Variants in TYW1 observed in about 807,000 individuals in gnomAD.
TYW1 encodes the protein tRNA-yW synthesizing protein 1 homolog.
Under a neutral mutation model 96.2 loss-of-function variants are expected in TYW1, and 46 were observed. That is an observed-to-expected ratio of 0.48 (90% CI 0.38 to 0.61). The LOEUF is 0.61. Ranked by LOEUF, TYW1 falls within the 20% of genes least tolerant of loss-of-function variation. The probability of loss-of-function intolerance (pLI) is 0.00; values close to 1 mark genes in which losing one functional copy is unlikely to be tolerated. For missense variants in TYW1, 684 were observed against 909.6 expected (o/e 0.75, Z 3.19); for synonymous variants, 274 against 323.0 (o/e 0.85, Z 1.63).
chr7:67,176,634 C>T lies in TYW1; in HGVS notation c.1699-6492C>T, dbSNP rs71563179. On this transcript the variant is annotated intron_variant, in intron 13 of 15. Coordinates refer to ENST00000359626, the MANE Select transcript of TYW1 (RefSeq NM_018264.4). ...GTTGAGCAACACTGGCTTATAGATTCAATGCTATATCAGGCAGAATCATAA... is the reference window on the plus strand; with the variant it reads ...GTTGAGCAACACTGGCTTATAGATTTAATGCTATATCAGGCAGAATCATAA... 7.1e-3 allele frequency among the ~76,000 whole-genome samples: 1,066 copies of T among 151,134 alleles called. 12 individuals are homozygous for T. Among genetic ancestry groups the T allele is most frequent in the Middle Eastern group, 0.048 (14 of 294 alleles).
chr7:67,237,750 C>T lies in TYW1; in HGVS notation c.1978-558C>T, dbSNP rs73703521. ...CTTAAGAGAGTACAAATTGGATTAT[C>T]CCCTCTTACTGAATTGAAATTTTTC... On this transcript the variant is annotated intron_variant, in intron 15 of 15. Transcript: ENST00000359626. 5.3e-3 allele frequency among the ~76,000 whole-genome samples: 801 copies of T among 152,166 alleles called. 6 individuals carry two copies. Among genetic ancestry groups the T allele is most frequent in the African/African-American group, 0.019 (769 of 41,504 alleles).
chr7:67,055,745 A>AC, intron 8 of TYW1, 90 bp from the exon 9 acceptor site: 1 of 1,160,948 alleles, frequency 8.6e-7, no homozygotes, highest in Non-Finnish European at 1.2e-6. Flanking sequence ...TTAGCAAAAA[A>AC]AAAAAAAAAT....
chr7:67,004,757 T>C (rs1177972694), intron 3 of TYW1, among the ~76,000 whole-genome samples: 1 of 152,062 alleles, frequency 6.6e-6, no homozygotes, highest in Non-Finnish European at 1.5e-5. Flanking sequence ...TGGTTGAAAT[T>C]TCTTGTTTTC....
In TYW1 at chr7:67,080,808, G is replaced by GT. The variant is rs943491820; in HGVS notation, c.1275-2613dup. Among the ~76,000 whole-genome samples the GT allele has an allele frequency of 8.2e-4, 124 of 150,668 alleles. No homozygotes were observed. The South Asian group carries it at 0.011, about 13-fold the overall frequency. On this transcript the variant is annotated intron_variant, in intron 10 of 15. Transcript: ENST00000359626. ...TCTTGTAGGCAACACATAGTTGGGT[G>GT]TTTTTTTTTAAAATTCATTCAGCCA...
chr7:67,108,108 T>C (rs1291819185), intron 12 of TYW1, among the ~76,000 whole-genome samples: 1 of 151,842 alleles, frequency 6.6e-6, no homozygotes, highest in African/African-American at 2.4e-5. Flanking sequence ...AATGCCTGAC[T>C]TCAAGTGATT....
At chr7:67,099,140 C>T (rs1797012767) in intron 12 of TYW1, among the ~76,000 whole-genome samples, 2 of 151,930 alleles carry the variant, frequency 1.3e-5, no homozygotes, top group Non-Finnish European at 2.9e-5. Context: ...ATTCTCCTGT[C>T]TCAGCCTCCT....
intron 13 of TYW1, among the ~76,000 whole-genome samples, chr7:67,182,550 C>A (rs574748790): frequency 1.3e-5 from 2 of 152,204 alleles, no homozygotes; most frequent in East Asian, 1.9e-4. Flanking sequence ...GAGGGCGAGA[C>A]CCTGTCTCTA....
chr7:67,045,221 T>C (rs545283223), intron 7 of TYW1, among the ~76,000 whole-genome samples: 1 of 152,206 alleles, frequency 6.6e-6, no homozygotes. Flanking sequence ...AAATTTTTTT[T>C]ATTTTTAGAG....
intron 12 of TYW1, among the ~76,000 whole-genome samples, chr7:67,099,508 T>C (rs1797022514): frequency 6.6e-6 from 1 of 152,152 alleles, no homozygotes; most frequent in African/African-American, 2.4e-5. Flanking sequence ...GAAGTCAAGT[T>C]AGAAAGGTTG....
At chr7:67,230,285 G>A (rs1801707217) in intron 15 of TYW1, among the ~76,000 whole-genome samples, 1 of 150,166 alleles carries the variant, frequency 6.7e-6, no homozygotes, top group Non-Finnish European at 1.5e-5. Flanking sequence ...ACAAGGATTT[G>A]TCACTACTGT....
intron 13 of TYW1, among the ~76,000 whole-genome samples, chr7:67,149,533 T>G (rs1277951203): frequency 6.6e-6 from 1 of 151,640 alleles, no homozygotes; most frequent in East Asian, 1.9e-4. Context: ...ACCATTTATA[T>G]TCAGCCATTT....
At chr7:67,014,094 GA>G (rs1793921083) in intron 4 of TYW1, among the ~76,000 whole-genome samples, 1 of 151,988 alleles carries the variant, frequency 6.6e-6, no homozygotes, top group African/African-American at 2.4e-5. Flanking sequence ...GCAAATTAGC[GA>G]TGATGAGAAT....
chr7:67,229,889 C>G (rs1225232536), intron 15 of TYW1, among the ~76,000 whole-genome samples: 1 of 152,166 alleles, frequency 6.6e-6, no homozygotes, highest in Non-Finnish European at 1.5e-5. Flanking sequence ...GAAGTTGAGG[C>G]TTCAGTGAGC....
At chr7:67,019,843 G>A (rs1794180125) in intron 6 of TYW1, among the ~76,000 whole-genome samples, 1 of 152,292 alleles carries the variant, frequency 6.6e-6, no homozygotes, top group South Asian at 2.1e-4. Flanking sequence ...GATTAGCTAT[G>A]CACTGTTGAA....
chr7:67,181,054 G>A (rs1456079735), intron 13 of TYW1, among the ~76,000 whole-genome samples: 2 of 152,072 alleles, frequency 1.3e-5, no homozygotes, highest in Admixed American at 1.3e-4. Context: ...TTACCAAATG[G>A]TGTTTGATTT....
intron 7 of TYW1, among the ~76,000 whole-genome samples, chr7:67,043,155 G>A (rs1413011687): frequency 1.3e-5 from 2 of 152,146 alleles, no homozygotes; most frequent in Non-Finnish European, 2.9e-5. Flanking sequence ...TCCATCGTCA[G>A]TTGGCTGGTA....
chr7:67,056,378 G>A (rs1795517440), intron 9 of TYW1, among the ~76,000 whole-genome samples: 1 of 151,844 alleles, frequency 6.6e-6, no homozygotes, highest in African/African-American at 2.4e-5. Context: ...TGTAATCCCA[G>A]CTATTCGGGA....
chr7:67,155,344 G>A (rs1798933522), intron 13 of TYW1, among the ~76,000 whole-genome samples: 1 of 152,052 alleles, frequency 6.6e-6, no homozygotes, highest in Non-Finnish European at 1.5e-5. Context: ...TGCAAGACCT[G>A]GTTGTGTAAA....
Position 67,211,379 on chromosome 7 carries a change from G to A in TYW1, c.1977+16042G>A, listed in dbSNP as rs185333657. ...GGCAGTAAGCCGCAGCTCTCAGTCA[G>A]CCACGTGTTTTTGACTTATTATGGG... On this transcript the variant is annotated intron_variant, in intron 15 of 15. Transcript: ENST00000359626. 2.0e-5 allele frequency among the ~76,000 whole-genome samples: 3 copies of A among 152,282 alleles called. No homozygotes were observed. The East Asian group carries it at 5.8e-4, about 29-fold the overall frequency.
Sources: allele counts gnomAD v4.1 joint callset (sites outside exome capture counted in the v4.1 genomes callset), GRCh38; gene constraint gnomAD v4.1.1; transcripts MANE v1.5; gene names NCBI Gene and HGNC (gene_info 2026-07-23, HGNC 2026-07-21).